GPR176: variants seen among roughly 807,000 people sequenced by gnomAD.
GPR176 encodes G-protein coupled receptor 176.
Under a neutral mutation model 35.4 loss-of-function variants are expected in GPR176, and 26 were observed. That is an observed-to-expected ratio of 0.74 (90% confidence interval 0.54 to 1.02). The LOEUF (loss-of-function observed/expected upper bound fraction) is 1.02. Among genes scored for constraint, GPR176 ranks in the 50% least tolerant of loss-of-function variants. The pLI, the probability that GPR176 is intolerant of heterozygous loss-of-function variation, is 0.00. For missense variants in GPR176, 597 were observed against 665.3 expected (o/e 0.90, Z 1.13); for synonymous variants, 278 against 271.3 (o/e 1.02, Z -0.24).
intron 1 of GPR176, among the ~76,000 whole-genome samples, chr15:39,821,654 T>C (rs965556003): frequency 2.6e-5 from 4 of 152,138 alleles, no homozygotes; most frequent in Non-Finnish European, 5.9e-5. Context: ...GTAATAGGGG[T>C]AAGAAGGTAA....
At chr15:39,832,008 A>T (rs545642236) in intron 1 of GPR176, among the ~76,000 whole-genome samples, 1 of 151,748 alleles carries the variant, frequency 6.6e-6, no homozygotes, top group Non-Finnish European at 1.5e-5. Flanking sequence ...ACACACACAC[A>T]CACACACACA....
chr15:39,896,542 C>A (rs1372854434), intron 1 of GPR176, among the ~76,000 whole-genome samples: 3 of 152,106 alleles, frequency 2.0e-5, no homozygotes, highest in South Asian at 4.1e-4. Context: ...CGTGAATATT[C>A]TTTTCTTCTT....
At chr15:39,875,796 C>G (rs2032220623) in intron 1 of GPR176, among the ~76,000 whole-genome samples, 1 of 152,042 alleles carries the variant, frequency 6.6e-6, no homozygotes, top group South Asian at 2.1e-4. Flanking sequence ...CCTTTATCAT[C>G]TTGCTTAACT....
chr15:39,878,096 C>CTGTGTGTGTGTGTGTGTGTGTGTGTG (rs58251937), intron 1 of GPR176, among the ~76,000 whole-genome samples: 3 of 129,934 alleles, frequency 2.3e-5, no homozygotes, highest in Non-Finnish European at 3.3e-5. Flanking sequence ...CCATAGTTAC[C>CTGTGTGTGTGTGTGTGTGTGTGTGTG]TGTGTGTGTG....
intron 1 of GPR176, among the ~76,000 whole-genome samples, chr15:39,821,502 G>A (rs187496950): frequency 6.6e-6 from 1 of 152,282 alleles, no homozygotes; most frequent in East Asian, 1.9e-4. Context: ...CACAACAAAA[G>A]ACTGATCACT....
chr15:39,812,745 A>AT (rs144015459), intron 1 of GPR176, among the ~76,000 whole-genome samples: 63,922 of 144,908 alleles, frequency 0.44, 14,440 homozygotes, highest in East Asian at 0.63. Context: ...TCTAAGCTTT[A>AT]TTTTTTTTTT....
chr15:39,839,165 C>A (rs966809965), intron 1 of GPR176, among the ~76,000 whole-genome samples: 2 of 152,120 alleles, frequency 1.3e-5, no homozygotes, highest in Admixed American at 6.5e-5. Flanking sequence ...CAAAAAAGAG[C>A]CCATATTGCC....
At chr15:39,835,601 C>T (rs185089887) in intron 1 of GPR176, among the ~76,000 whole-genome samples, 10 of 152,190 alleles carry the variant, frequency 6.6e-5, no homozygotes, top group African/African-American at 2.4e-4. Flanking sequence ...AAGGTGGAAG[C>T]TAGAGCTCCA....
chr15:39,848,876 C>A, intron 1 of GPR176, among the ~76,000 whole-genome samples: 1 of 135,732 alleles, frequency 7.4e-6, no homozygotes, highest in South Asian at 2.3e-4. Context: ...GAAAATGTCT[C>A]AGATAAGCTC....
At chr15:39,905,550 T>C (rs914135488) in intron 1 of GPR176, among the ~76,000 whole-genome samples, 25 of 151,886 alleles carry the variant, frequency 1.6e-4, no homozygotes, top group Admixed American at 1.6e-3. Context: ...ACCAAGATCA[T>C]GCCACTGCAC....
chr15:39,873,652 T>C (rs1433280879), intron 1 of GPR176, among the ~76,000 whole-genome samples: 1 of 151,148 alleles, frequency 6.6e-6, no homozygotes, highest in African/African-American at 2.4e-5. Flanking sequence ...GTTTTTCTTA[T>C]TAATATATAT....
At chr15:39,811,869 T>A (rs560559937) in intron 1 of GPR176, among the ~76,000 whole-genome samples, 2 of 151,968 alleles carry the variant, frequency 1.3e-5, no homozygotes, top group African/African-American at 4.8e-5. Context: ...TGAGCCGAGA[T>A]TGCGCCATTG....
intron 1 of GPR176, among the ~76,000 whole-genome samples, chr15:39,849,474 A>G (rs957656559): frequency 6.7e-6 from 1 of 148,190 alleles, no homozygotes; most frequent in Non-Finnish European, 1.5e-5. Context: ...AAGAAAGTAC[A>G]AAAGAGTACA....
intron 1 of GPR176, among the ~76,000 whole-genome samples, chr15:39,854,577 A>G (rs1016134123): frequency 3.9e-5 from 6 of 152,198 alleles, no homozygotes; most frequent in Non-Finnish European, 7.3e-5. Flanking sequence ...ATAAAACAAA[A>G]TAAAATAATA....
At chr15:39,895,162 T>C (rs973887666) in intron 1 of GPR176, among the ~76,000 whole-genome samples, 1 of 151,500 alleles carries the variant, frequency 6.6e-6, no homozygotes, top group African/African-American at 2.4e-5. Context: ...TGAGCCGAGA[T>C]GGCAGCAGTA....
At chr15:39,810,391 C>T (rs997655112) in intron 1 of GPR176, among the ~76,000 whole-genome samples, 4 of 152,132 alleles carry the variant, frequency 2.6e-5, no homozygotes, top group Non-Finnish European at 4.4e-5. Flanking sequence ...TAATGAAGAA[C>T]CTTTTTCCAA....
chr15:39,885,721 A>G (rs1421413962), intron 1 of GPR176, among the ~76,000 whole-genome samples: 1 of 152,244 alleles, frequency 6.6e-6, no homozygotes, highest in Non-Finnish European at 1.5e-5. Context: ...TAAGAAAAAT[A>G]GAAAATAATA....
At chr15:39,904,787 A>G (rs758273962) in intron 1 of GPR176, among the ~76,000 whole-genome samples, 1 of 152,206 alleles carries the variant, frequency 6.6e-6, no homozygotes, top group Non-Finnish European at 1.5e-5. Flanking sequence ...CCAGGGTGTG[A>G]GAGCAATGGC....
At chr15:39,826,252 G>A (rs886336979) in intron 1 of GPR176, among the ~76,000 whole-genome samples, 3 of 152,136 alleles carry the variant, frequency 2.0e-5, no homozygotes, top group Non-Finnish European at 4.4e-5. Flanking sequence ...GGGCAAGCTG[G>A]AGCAGGGCAG....
Sources: allele counts gnomAD v4.1 joint callset (sites outside exome capture counted in the v4.1 genomes callset), GRCh38; gene constraint gnomAD v4.1.1; transcripts MANE v1.5; gene names NCBI Gene and HGNC (gene_info 2026-07-23, HGNC 2026-07-21).